The following CD8B2 variants were observed in gnomAD, a reference collection of about 807,000 sequenced individuals.
CD8B2 encodes T-cell surface glycoprotein CD8 beta-2 chain.
CD8B2 carries 11 observed loss-of-function variants against 23.7 expected under a neutral mutation model. The observed-to-expected ratio is 0.46, with a 90% CI of 0.29 to 0.77. The LOEUF is 0.77. Among genes scored for constraint, CD8B2 ranks in the 30% least tolerant of loss-of-function variants. CD8B2 has a pLI of 0.09. For missense variants in CD8B2, 197 were observed against 270.5 expected (o/e 0.73, Z 1.91); for synonymous variants, 90 against 109.3 (o/e 0.82, Z 1.10).
chr2:106,491,051 A>T lies in CD8B2; in HGVS notation c.221A>T (p.Asp74Val). ...DSHHEFLTLW[D>V]SAKGTIHGEE... ...CACCACGAGTTCCTGACCCTCTGGG[A>T]TTCCGCAAAAGGGACTATCCACGGT... is the stretch of plus-strand genomic sequence containing the variant. Residue 74 changes from aspartate to valine, a missense_variant, in exon 2 of 6, where the codon GAT becomes GTT. This residue lies in a region of CD8B2 where 140 missense variants were observed against 164.2 expected (regional missense o/e 0.85). Transcript: ENST00000643224. The T allele has an allele frequency of 6.2e-7, 1 of 1,613,982 alleles. No homozygotes were observed. Among genetic ancestry groups the T allele is most frequent in the Non-Finnish European group, 8.5e-7 (1 of 1,179,838 alleles).
intron 5 of CD8B2, among the ~76,000 whole-genome samples, chr2:106,525,528 G>T (rs1679894169): frequency 6.6e-6 from 1 of 152,146 alleles, no homozygotes; most frequent in South Asian, 2.1e-4. Flanking sequence ...GGCATTTAGT[G>T]CAGTGATAGA....
At chr2:106,540,098 T>C (rs1680148944) in intron 5 of CD8B2, among the ~76,000 whole-genome samples, 1 of 152,182 alleles carries the variant, frequency 6.6e-6, no homozygotes, top group Non-Finnish European at 1.5e-5. Flanking sequence ...TTTTGTTATG[T>C]GGAATGATTT....
chr2:106,534,985 C>A lies in CD8B2; in HGVS notation c.621-9007C>A, dbSNP rs146142352. On this transcript the variant is annotated intron_variant, in intron 5 of 5. Transcript: ENST00000416057. ...TACAGGCATGTGCCACCTTGCCCGG[C>A]TAATTTTTGTATTTTTAGTAGAGAT... 3.4e-3 allele frequency among the ~76,000 whole-genome samples: 512 copies of A among 152,148 alleles called. 4 individuals carry two copies. Among genetic ancestry groups the A allele is most frequent in the Non-Finnish European group, 5.9e-3 (402 of 67,988 alleles).
intron 5 of CD8B2, among the ~76,000 whole-genome samples, chr2:106,528,008 G>A (rs542171353): frequency 6.6e-6 from 1 of 152,282 alleles, no homozygotes; most frequent in Admixed American, 6.5e-5. Flanking sequence ...TGAGGTATAA[G>A]AGCTCAAGGA....
chr2:106,526,421 CT>C (rs1382477301), intron 5 of CD8B2, among the ~76,000 whole-genome samples: 2 of 152,172 alleles, frequency 1.3e-5, no homozygotes, highest in African/African-American at 2.4e-5. Flanking sequence ...CCATTTACCC[CT>C]GACATGCCTG....
intron 5 of CD8B2, among the ~76,000 whole-genome samples, chr2:106,522,699 C>T (rs1436807005): frequency 6.6e-6 from 1 of 152,186 alleles, no homozygotes; most frequent in Admixed American, 6.5e-5. Context: ...GCCACTGGGA[C>T]TCACATACTT....
chr2:106,512,337 A>G (rs1338283845), downstream of CD8B2, among the ~76,000 whole-genome samples: 1 of 152,190 alleles, frequency 6.6e-6, no homozygotes, highest in Non-Finnish European at 1.5e-5. Context: ...TCGGCCTCCC[A>G]AAGTGCTGGG....
chr2:106,487,830 C>T (rs1190657594), intron 1 of CD8B2, among the ~76,000 whole-genome samples: 7 of 152,022 alleles, frequency 4.6e-5, no homozygotes, highest in Non-Finnish European at 8.8e-5. Flanking sequence ...AGGATGTGCT[C>T]GGAGGAAGGT....
intron 5 of CD8B2, among the ~76,000 whole-genome samples, chr2:106,516,327 G>A (rs1415519307): frequency 6.6e-6 from 1 of 152,164 alleles, no homozygotes. Context: ...TTCACCCTGA[G>A]GGTGAGTAGG....
intron 1 of CD8B2, among the ~76,000 whole-genome samples, chr2:106,488,890 C>T (rs1679135443): frequency 6.6e-6 from 1 of 152,126 alleles, no homozygotes; most frequent in Admixed American, 6.6e-5. Context: ...AAGGAAAAAC[C>T]TCTGCTCTGC....
At chr2:106,505,933 A>G (rs1285914880) in intron 5 of CD8B2, among the ~76,000 whole-genome samples, 1 of 152,144 alleles carries the variant, frequency 6.6e-6, no homozygotes, top group Non-Finnish European at 1.5e-5. Flanking sequence ...GGAGTTTGAG[A>G]CCAGCCTGGC....
chr2:106,505,050 T>C (rs1679479517), intron 5 of CD8B2, among the ~76,000 whole-genome samples: 1 of 152,178 alleles, frequency 6.6e-6, no homozygotes, highest in African/African-American at 2.4e-5. Flanking sequence ...GCTGGGACCT[T>C]TAGTGGTGGC....
At chr2:106,528,779 C>G (rs1230344782) in intron 5 of CD8B2, among the ~76,000 whole-genome samples, 3 of 152,158 alleles carry the variant, frequency 2.0e-5, no homozygotes, top group Admixed American at 1.3e-4. Context: ...TGTTCAGCAT[C>G]TTGGAAGGCA....
chr2:106,505,597 T>A (rs1328362969), intron 5 of CD8B2, among the ~76,000 whole-genome samples: 1 of 152,228 alleles, frequency 6.6e-6, no homozygotes. Context: ...ACAAAATGTA[T>A]TTTTGAATAC....
intron 5 of CD8B2, among the ~76,000 whole-genome samples, chr2:106,520,798 A>G (rs1438544982): frequency 1.3e-5 from 2 of 152,170 alleles, no homozygotes; most frequent in African/African-American, 2.4e-5. Context: ...GGAACCTGGG[A>G]GGTGGAGGTT....
chr2:106,543,124 T>C (rs368091330), intron 5 of CD8B2: 5 of 152,236 alleles, frequency 3.3e-5, no homozygotes, highest in African/African-American at 1.2e-4. Context: ...GTAACTTCAA[T>C]GCGGAAGGAC....
downstream of CD8B2, among the ~76,000 whole-genome samples, chr2:106,512,547 T>C (rs11695236): frequency 0.028 from 4,221 of 152,170 alleles, 69 homozygotes; most frequent in Non-Finnish European, 0.03. Flanking sequence ...TCACTGCAGC[T>C]TTGACCTCCC....
At chr2:106,495,003 ATGCCGAGT>A (rs1453109441) in intron 2 of CD8B2, among the ~76,000 whole-genome samples, 1 of 152,132 alleles carries the variant, frequency 6.6e-6, no homozygotes, top group East Asian at 1.9e-4. Context: ...TGCTTAGGGA[ATGCCGAGT>A]TGGGCGGAGG....
At chr2:106,503,262 C>T (rs572997072) in intron 4 of CD8B2, among the ~76,000 whole-genome samples, 73 of 152,294 alleles carry the variant, frequency 4.8e-4, no homozygotes, top group Middle Eastern at 3.4e-3. Flanking sequence ...CCCCTCTCTG[C>T]GCATCTATAA....
Sources: gnomAD v4.1 joint callset for allele counts (sites outside exome capture counted in the v4.1 genomes callset) on GRCh38, gnomAD v4.1.1 for gene constraint, gnomAD v4.1.1 regional missense constraint, MANE v1.5 for transcripts, NCBI Gene and HGNC (gene_info 2026-07-23, HGNC 2026-07-21) for gene names.